Variants in ROR1 observed in about 807,000 individuals in gnomAD.
ROR1 encodes the protein inactive tyrosine-protein kinase transmembrane receptor ROR1.
In ROR1, 19 loss-of-function variants were observed where a neutral mutation model predicts 78.8. The observed-to-expected ratio is 0.24, with a 90% CI of 0.17 to 0.35. ROR1 has a LOEUF of 0.35. ROR1 is among the 10% of genes least tolerant of loss of function. The probability of loss-of-function intolerance (pLI) is 1.00; values close to 1 mark genes in which losing one functional copy is unlikely to be tolerated. For synonymous variants in ROR1, 386 were observed against 433.6 expected (o/e 0.89, Z 1.36); for missense variants, 917 against 1,177.8 (o/e 0.78, Z 3.24).
chr1:64,176,204 C>G (rs1650374279), intron 8 of ROR1, among the ~76,000 whole-genome samples: 1 of 152,222 alleles, frequency 6.6e-6, no homozygotes. Flanking sequence ...AAACAACCCA[C>G]TTGCGAAGAC....
At chr1:63,833,796 T>C (rs1645003415) in intron 1 of ROR1, among the ~76,000 whole-genome samples, 1 of 151,984 alleles carries the variant, frequency 6.6e-6, no homozygotes, top group Non-Finnish European at 1.5e-5. Flanking sequence ...TTTTTTTTCT[T>C]TTGGGTGATC....
At chr1:64,044,059 C>T (rs764501604) in intron 2 of ROR1, among the ~76,000 whole-genome samples, 5 of 152,106 alleles carry the variant, frequency 3.3e-5, no homozygotes, top group Non-Finnish European at 5.9e-5. Context: ...ATTCAGAGTC[C>T]TAAACTTTTG....
chr1:64,083,257 AG>A (rs1647118827), intron 4 of ROR1, among the ~76,000 whole-genome samples: 3 of 152,166 alleles, frequency 2.0e-5, no homozygotes, highest in Non-Finnish European at 4.4e-5. Context: ...AGAGCTTTTT[AG>A]GAACAGGTGA....
chr1:63,900,453 C>CA (rs371935993), intron 1 of ROR1, among the ~76,000 whole-genome samples: 23,685 of 110,654 alleles, frequency 0.21, 5,090 homozygotes, highest in African/African-American at 0.56. Flanking sequence ...GACTCCATCT[C>CA]AAAAAAAAAA....
chr1:64,051,459 A>AAAAAAAAAAAAT (rs1646829462), intron 4 of ROR1, among the ~76,000 whole-genome samples: 3 of 20,752 alleles, frequency 1.4e-4, no homozygotes, highest in African/African-American at 2.0e-4. Flanking sequence ...CAAAAATAAA[A>AAAAAAAAAAAAT]AATAAAATAA....
rs561564138 is a variant in ROR1, at chr1:64,171,507, C to T, written c.1387-5921C>T. 6.6e-5 allele frequency among the ~76,000 whole-genome samples: 10 copies of T among 152,288 alleles called. No individual in the cohort carries two copies. In the South Asian group the frequency reaches 1.7e-3, roughly 25 times the overall value. ...GGCAAGCACAAATGCCATGTGAAAC[C>T]TGCTATTCTTCTGTAGACACTTGTG... is the stretch of plus-strand genomic sequence containing the variant. On this transcript the variant is annotated intron_variant, in intron 8 of 8. Coordinates refer to ENST00000371079, the MANE Select transcript of ROR1 (RefSeq NM_005012.4).
intron 1 of ROR1, among the ~76,000 whole-genome samples, chr1:63,906,213 C>G (rs970333084): frequency 2.9e-4 from 44 of 152,292 alleles, no homozygotes; most frequent in Admixed American, 1.5e-3. Context: ...ACTGCCTGTT[C>G]TACACACCCT....
chr1:63,788,959 C>CAATCTTCTTAGATATGCGG lies in ROR1; in HGVS notation c.91+14452_91+14470dup, dbSNP rs1411480162. The CAATCTTCTTAGATATGCGG allele has an allele frequency of 4.3e-6, 3 of 694,454 alleles. No homozygotes were observed. In the African/African-American group the frequency reaches 5.3e-5, roughly 12 times the overall value. 43.0% of individuals were successfully genotyped at this position (694,454 alleles called of 1,614,324 possible). A position where few individuals can be genotyped will look rare whatever the true frequency, so the allele number is the denominator to read the frequency against. On this transcript the variant is annotated intron_variant, in intron 1 of 8. Transcript: ENST00000371079. The stretch of plus-strand genomic sequence containing the variant: ...TACAGGCTGTGATACATGAGGTGAT[C>CAATCTTCTTAGATATGCGG]AATCTTCTTAGATATGCGGTATCTT...
intron 1 of ROR1, among the ~76,000 whole-genome samples, chr1:64,000,775 T>C (rs1202700373): frequency 6.6e-6 from 1 of 152,194 alleles, no homozygotes; most frequent in Non-Finnish European, 1.5e-5. Flanking sequence ...AAGGACCACC[T>C]TCCTGCCCTT....
intron 2 of ROR1, among the ~76,000 whole-genome samples, chr1:64,026,123 C>CTTTTTTTTT (rs1646607431): frequency 6.6e-6 from 1 of 152,142 alleles, no homozygotes; most frequent in African/African-American, 2.4e-5. Context: ...GTAGGCCTTT[C>CTTTTTTTTT]TTATGTTGAG....
intron 4 of ROR1, among the ~76,000 whole-genome samples, chr1:64,093,649 A>G (rs1009913270): frequency 1.3e-5 from 2 of 152,066 alleles, no homozygotes; most frequent in Non-Finnish European, 2.9e-5. Flanking sequence ...CAAAAGCAAT[A>G]GAAACCCCCG....
rs574324828 is a variant in ROR1, at chr1:64,032,598, C to G, written c.164-17093C>G. Among the ~76,000 whole-genome samples the G allele has an allele frequency of 3.3e-5, 5 of 152,268 alleles. No individual in the cohort carries two copies. The South Asian group carries it at 1.0e-3, about 32-fold the overall frequency. ...CAGAGGTGGGACCAGACTCCATCCC[C>G]TGGTCCTCACTGCACAGCCTTATAA... is the stretch of plus-strand genomic sequence containing the variant. On this transcript the variant is annotated intron_variant, in intron 2 of 8. Coordinates refer to ENST00000371079, the MANE Select transcript of ROR1 (RefSeq NM_005012.4).
chr1:63,962,284 T>C (rs1252467724), intron 1 of ROR1, among the ~76,000 whole-genome samples: 1 of 152,170 alleles, frequency 6.6e-6, no homozygotes, highest in Non-Finnish European at 1.5e-5. Context: ...AAAATTATTT[T>C]TAAAAAGATT....
intron 4 of ROR1, among the ~76,000 whole-genome samples, chr1:64,067,992 G>A (rs537283739): frequency 4.6e-5 from 7 of 152,226 alleles, no homozygotes; most frequent in Middle Eastern, 3.4e-3. Context: ...ACTATATCTT[G>A]TATCAACTCA....
chr1:64,072,361 G>A (rs1647010962), intron 4 of ROR1, among the ~76,000 whole-genome samples: 1 of 152,216 alleles, frequency 6.6e-6, no homozygotes, highest in South Asian at 2.1e-4. Flanking sequence ...GGACTAAGAG[G>A]AAAGAAGAAC....
chr1:63,846,111 A>C (rs1645078674), intron 1 of ROR1, among the ~76,000 whole-genome samples: 2 of 145,734 alleles, frequency 1.4e-5, no homozygotes, highest in African/African-American at 5.2e-5. Flanking sequence ...TGACAGAGAG[A>C]GAGAGAATGT....
At chr1:63,899,003 C>T (rs1034572974) in intron 1 of ROR1, among the ~76,000 whole-genome samples, 2 of 152,030 alleles carry the variant, frequency 1.3e-5, no homozygotes, top group South Asian at 2.1e-4. Context: ...ACATAAAGTA[C>T]TCCTGCCACC....
chr1:63,967,902 G>C (rs1481313000), intron 1 of ROR1, among the ~76,000 whole-genome samples: 1 of 152,232 alleles, frequency 6.6e-6, no homozygotes, highest in East Asian at 1.9e-4. Flanking sequence ...ACATTCATGT[G>C]AGGATGAAGT....
intron 1 of ROR1, among the ~76,000 whole-genome samples, chr1:64,004,824 G>C (rs1374030523): frequency 1.3e-5 from 2 of 152,094 alleles, no homozygotes; most frequent in African/African-American, 4.8e-5. Flanking sequence ...AAAACCTTAT[G>C]GTTTGCAGAA....
Sources: allele counts gnomAD v4.1 joint callset (sites outside exome capture counted in the v4.1 genomes callset), GRCh38; gene constraint gnomAD v4.1.1; transcripts MANE v1.5; gene names NCBI Gene and HGNC (gene_info 2026-07-23, HGNC 2026-07-21).